The following PSMB7 variants were observed in gnomAD, a reference collection of about 807,000 sequenced individuals.
PSMB7 encodes the protein proteasome 20S subunit beta 7, also known as proteasome subunit beta type-7.
In PSMB7, 5 loss-of-function variants were observed where a neutral mutation model predicts 28.1. The observed-to-expected ratio is 0.18, with a 90% CI of 0.09 to 0.37. The LOEUF (loss-of-function observed/expected upper bound fraction) is 0.37. Ranked by LOEUF, PSMB7 falls within the 10% of genes least tolerant of loss-of-function variation. The probability of loss-of-function intolerance (pLI) is 1.00; values close to 1 mark genes in which losing one functional copy is unlikely to be tolerated. For synonymous variants in PSMB7, 122 were observed against 123.7 expected, an observed-to-expected ratio of 0.99 and a Z score of 0.09; for missense variants, 275 against 346.2, an observed-to-expected ratio of 0.79 and a Z score of 1.63.
chr9:124,380,891 C>T (rs760245587), intron 6 of PSMB7, among the ~76,000 whole-genome samples: 4 of 152,182 alleles, frequency 2.6e-5, no homozygotes, highest in African/African-American at 7.2e-5. Flanking sequence ...AAGTTCAAAA[C>T]GCAGTGATAG....
intron 5 of PSMB7, among the ~76,000 whole-genome samples, chr9:124,394,642 G>T (rs1564683148): frequency 6.6e-6 from 1 of 152,126 alleles, no homozygotes; most frequent in Non-Finnish European, 1.5e-5. Flanking sequence ...TCTATAAAAG[G>T]TGTTTAATAT....
chr9:124,393,582 C>T (rs182012542), intron 5 of PSMB7, among the ~76,000 whole-genome samples: 38 of 152,228 alleles, frequency 2.5e-4, no homozygotes, highest in African/African-American at 6.7e-4. Flanking sequence ...AAGCTAATTC[C>T]TCAAAAAACG....
intron 5 of PSMB7, among the ~76,000 whole-genome samples, chr9:124,385,291 A>C (rs781463692): frequency 4.5e-4 from 69 of 152,246 alleles, no homozygotes; most frequent in Non-Finnish European, 8.5e-4. Flanking sequence ...AAAATGACAG[A>C]CAAAGAAACA....
At position 124,405,360 on chromosome 9, in the gene PSMB7, G is replaced by C. The variant is rs1276524710; in HGVS notation, c.468C>G (p.Ile156Met). The C allele has an allele frequency of 6.2e-7, 1 of 1,613,920 alleles. No individual in the cohort carries two copies. Among genetic ancestry groups the C allele is most frequent in the Non-Finnish European group, 8.5e-7 (1 of 1,179,828 alleles). Reference sequence around the variant, plus strand: ...ACTTATCAGTTGATCCATGAGGATAGATGCTGTAGAGGTGAGGTCCAGTAA... The same window carrying C: ...ACTTATCAGTTGATCCATGAGGATACATGCTGTAGAGGTGAGGTCCAGTAA... ...VDVTGPHLYS[I>M]YPHGSTDKLP... The change falls in exon 5 of 8, where the codon ATC becomes ATG. Residue 156 changes from isoleucine (I) to methionine (M), a missense_variant. Ile to Met is a conservative substitution (Grantham distance 10). Coordinates refer to ENST00000259457, the MANE Select transcript of PSMB7 (RefSeq NM_002799.4).
intron 5 of PSMB7, among the ~76,000 whole-genome samples, chr9:124,398,253 G>A (rs1446399029): frequency 6.6e-6 from 1 of 151,782 alleles, no homozygotes; most frequent in African/African-American, 2.4e-5. Context: ...AAAGGAAAGG[G>A]TAAAGAAGGC....
At chr9:124,357,097 C>T (rs1013931215) in intron 6 of PSMB7, among the ~76,000 whole-genome samples, 182 bp from the exon 7 acceptor site, 1 of 152,158 alleles carries the variant, frequency 6.6e-6, no homozygotes, top group African/African-American at 2.4e-5. Flanking sequence ...AAGTTCCCGA[C>T]CCAGGCCTTT....
intron 5 of PSMB7, among the ~76,000 whole-genome samples, chr9:124,397,622 C>G (rs1423202331): frequency 1.3e-5 from 2 of 151,512 alleles, no homozygotes; most frequent in Admixed American, 1.3e-4. Context: ...TCAAATCACT[C>G]AGAAAAAAGA....
intron 4 of PSMB7, among the ~76,000 whole-genome samples, chr9:124,408,407 T>C (rs867633533): frequency 6.6e-6 from 1 of 152,208 alleles, no homozygotes; most frequent in Non-Finnish European, 1.5e-5. Context: ...TAATAATACC[T>C]TAAATACCTT....
chr9:124,395,205 C>A (rs1167520589), intron 5 of PSMB7, among the ~76,000 whole-genome samples: 1 of 152,146 alleles, frequency 6.6e-6, no homozygotes, highest in Non-Finnish European at 1.5e-5. Flanking sequence ...TGAACCCAGG[C>A]TAAGCATAGT....
At chr9:124,409,458 T>A in intron 4 of PSMB7, among the ~76,000 whole-genome samples, 1 of 152,188 alleles carries the variant, frequency 6.6e-6, no homozygotes, top group East Asian at 1.9e-4. Context: ...ATTACTTACA[T>A]CAACTACATA....
At chr9:124,379,989 T>C (rs1440449378) in intron 6 of PSMB7, among the ~76,000 whole-genome samples, 1 of 152,110 alleles carries the variant, frequency 6.6e-6, no homozygotes, top group Non-Finnish European at 1.5e-5. Context: ...CTCAAGGAGC[T>C]CCCTCTCTCA....
chr9:124,406,581 G>C (rs1386506661), intron 4 of PSMB7, among the ~76,000 whole-genome samples: 3 of 149,632 alleles, frequency 2.0e-5, no homozygotes, highest in African/African-American at 7.4e-5. Context: ...CTCTGCCTTT[G>C]AATTAACCCA....
chr9:124,402,054 C>A (rs1441115307), intron 5 of PSMB7, among the ~76,000 whole-genome samples: 4 of 150,650 alleles, frequency 2.7e-5, no homozygotes, highest in Non-Finnish European at 5.9e-5. Context: ...AGTGGAGGAA[C>A]AAACAAGACC....
intron 4 of PSMB7, among the ~76,000 whole-genome samples, chr9:124,411,079 G>C (rs184936882): frequency 6.6e-6 from 1 of 151,752 alleles, no homozygotes; most frequent in Admixed American, 6.6e-5. Flanking sequence ...AGGTTCAAGC[G>C]ATTCTCCTGT....
At chr9:124,396,286 A>T (rs1830842512) in intron 5 of PSMB7, among the ~76,000 whole-genome samples, 1 of 152,100 alleles carries the variant, frequency 6.6e-6, no homozygotes, top group Non-Finnish European at 1.5e-5. Context: ...AATACAGAAA[A>T]GGTTGTACTT....
intron 5 of PSMB7, among the ~76,000 whole-genome samples, chr9:124,394,130 A>C (rs565075088): frequency 1.3e-5 from 2 of 152,330 alleles, no homozygotes; most frequent in African/African-American, 4.8e-5. Context: ...TATTATTTTC[A>C]TTGTATGGAT....
intron 4 of PSMB7, among the ~76,000 whole-genome samples, chr9:124,406,169 G>A (rs1312348926): frequency 1.3e-5 from 2 of 152,082 alleles, no homozygotes; most frequent in African/African-American, 4.8e-5. Context: ...TAACAATGAG[G>A]AGGTGCTAAG....
chr9:124,370,167 T>C (rs1830546715), intron 6 of PSMB7, among the ~76,000 whole-genome samples: 1 of 151,994 alleles, frequency 6.6e-6, no homozygotes. Context: ...ACTTCCCCTA[T>C]TACACTCTGC....
At position 124,412,341 on chromosome 9, in the gene PSMB7, T is replaced by C. The variant is rs1381767826; in HGVS notation, c.395+11A>G. 6.2e-7 allele frequency: 1 copy of C among 1,613,332 alleles called. No homozygotes were observed. Among genetic ancestry groups the C allele is most frequent in the Non-Finnish European group, 8.5e-7 (1 of 1,179,370 alleles). ...AAGATACTAGTAGGAATCCCCATTC[T>C]GGAAACTTACCTGAAAAGCATCTGC... On this transcript the variant is annotated intron_variant, in intron 4 of 7. Transcript: ENST00000259457.
Sources: allele counts gnomAD v4.1 joint callset (sites outside exome capture counted in the v4.1 genomes callset), GRCh38; gene constraint gnomAD v4.1.1; transcripts MANE v1.5; gene names NCBI Gene and HGNC (gene_info 2026-07-23, HGNC 2026-07-21).